NCOA7: variants seen among roughly 807,000 people sequenced by gnomAD.
NCOA7 encodes the protein nuclear receptor coactivator 7.
NCOA7 carries 45 observed loss-of-function variants against 104.3 expected under a neutral mutation model. The ratio of observed to expected loss-of-function variants is 0.43; its 90% CI spans 0.34 to 0.55. The LOEUF (loss-of-function observed/expected upper bound fraction) is 0.55. NCOA7 is among the 20% of genes least tolerant of loss of function. The pLI is 0.02. For synonymous variants in NCOA7, 398 were observed against 402.3 expected (o/e 0.99, Z 0.13); for missense variants, 1,041 against 1,119.7 (o/e 0.93, Z 1.00).
intron 2 of NCOA7, among the ~76,000 whole-genome samples, chr6:125,827,372 G>A (rs999247434): frequency 2.0e-5 from 3 of 151,954 alleles, no homozygotes; most frequent in Admixed American, 6.6e-5. Flanking sequence ...TCTTAATTCT[G>A]TCACAATGGC....
intron 10 of NCOA7, among the ~76,000 whole-genome samples, chr6:125,904,133 T>G (rs1785755966): frequency 6.6e-6 from 1 of 152,206 alleles, no homozygotes; most frequent in South Asian, 2.1e-4. Flanking sequence ...CTTGGGACTT[T>G]CTGTGACCTA....
intron 10 of NCOA7, among the ~76,000 whole-genome samples, chr6:125,906,114 G>A (rs919892914): frequency 1.3e-5 from 2 of 152,118 alleles, no homozygotes; most frequent in Non-Finnish European, 2.9e-5. Context: ...GAAGGAGATA[G>A]GGGAATGGAA....
At chr6:125,806,408 A>G (rs1213756469) in intron 1 of NCOA7, among the ~76,000 whole-genome samples, 1 of 152,206 alleles carries the variant, frequency 6.6e-6, no homozygotes, top group Non-Finnish European at 1.5e-5. Context: ...ATTCAGATGA[A>G]TCACAGAGCA....
intron 13 of NCOA7, among the ~76,000 whole-genome samples, chr6:125,927,151 T>G (rs1460657614): frequency 6.6e-6 from 1 of 152,238 alleles, no homozygotes; most frequent in Non-Finnish European, 1.5e-5. Flanking sequence ...AATTTTAATT[T>G]AATAAGCATA....
rs56389001 is a variant in NCOA7 at position 125,862,037 on chromosome 6, CAAAAAAAAAAAAAAA to C, written c.271+6810_271+6824del. Among the ~76,000 whole-genome samples the C allele has an allele frequency of 4.7e-5, 3 of 63,778 alleles. 1 individual carries two copies. 41.8% of individuals were successfully genotyped at this position (63,778 alleles called of 152,430 possible). On this transcript the variant is annotated intron_variant, in intron 3 of 15. Coordinates refer to ENST00000392477, the MANE Select transcript of NCOA7 (RefSeq NM_181782.5). ...GGGCAACAAGAGTGAAACTCTTTCT[CAAAAAAAAAAAAAAA>C]AAAAAAAAAAAAGAAAGTGATAAGA...
At chr6:125,911,481 G>A (rs113524554) in intron 10 of NCOA7, among the ~76,000 whole-genome samples, 7 of 152,298 alleles carry the variant, frequency 4.6e-5, no homozygotes, top group Admixed American at 1.3e-4. Flanking sequence ...ATTGCCAGTC[G>A]GTGATCCAGC....
chr6:125,873,799 A>G (rs1399057845), intron 3 of NCOA7, among the ~76,000 whole-genome samples: 4 of 152,226 alleles, frequency 2.6e-5, no homozygotes, highest in Non-Finnish European at 5.9e-5. Flanking sequence ...TTACCAGGCT[A>G]ATAGGTATAA....
chr6:125,877,242 C>T (rs1299181642), intron 4 of NCOA7, among the ~76,000 whole-genome samples: 1 of 152,104 alleles, frequency 6.6e-6, no homozygotes, highest in Non-Finnish European at 1.5e-5. Context: ...GTAGTTGGAC[C>T]TCTGATACTG....
At chr6:125,785,989 C>T (rs542233282), upstream of NCOA7, 10 of 152,286 alleles carry the variant, frequency 6.6e-5, no homozygotes, top group South Asian at 1.9e-3. Context: ...AAACACTGAA[C>T]ATAGGTCTAT....
chr6:125,800,721 C>T (rs1775806441), intron 1 of NCOA7, among the ~76,000 whole-genome samples: 1 of 152,130 alleles, frequency 6.6e-6, no homozygotes, highest in African/African-American at 2.4e-5. Context: ...GCATAAGGAA[C>T]AATAATTATA....
chr6:125,817,959 G>A (rs1777745112), intron 2 of NCOA7, among the ~76,000 whole-genome samples: 1 of 151,866 alleles, frequency 6.6e-6, no homozygotes, highest in African/African-American at 2.4e-5. Context: ...TGGTGGTCAT[G>A]CTTCTCCTCC....
At chr6:125,789,379 G>T (rs757533319), upstream of NCOA7, among the ~76,000 whole-genome samples, 2 of 152,148 alleles carry the variant, frequency 1.3e-5, no homozygotes, top group Admixed American at 6.5e-5. Flanking sequence ...ATTTGTCCTT[G>T]CCAGGGAACA....
In NCOA7 at chr6:125,854,956, T is replaced by A. The variant is rs535990944; in HGVS notation, c.51-64T>A. On this transcript the variant is annotated intron_variant, in intron 2 of 15. Transcript: ENST00000392477. ...TTTTCAAAGTCCAGCAGCGTGAAATTAATATGATTTCTACCAGCAAATCAT... is the reference window on the plus strand; with the variant it reads ...TTTTCAAAGTCCAGCAGCGTGAAATAAATATGATTTCTACCAGCAAATCAT... 6 of 1,130,940 alleles carry A rather than the reference T, an allele frequency of 5.3e-6. No homozygotes were observed. In the East Asian group the frequency reaches 1.4e-4, roughly 27 times the overall value. 70.1% of individuals were successfully genotyped at this position (1,130,940 alleles called of 1,614,324 possible). A position where few individuals can be genotyped will look rare whatever the true frequency, so the allele number is the denominator to read the frequency against.
intron 3 of NCOA7, among the ~76,000 whole-genome samples, chr6:125,866,612 G>A (rs1472811225): frequency 1.3e-5 from 2 of 152,130 alleles, no homozygotes; most frequent in African/African-American, 4.8e-5. Context: ...CTTCCCCAAG[G>A]TTACCTAGTG....
Position 125,928,916 on chromosome 6 carries a change from A to G in NCOA7, c.*145A>G, listed in dbSNP as rs1788285319. On this transcript the variant is annotated 3_prime_UTR_variant, in exon 16 of 16. Coordinates refer to ENST00000392477, the MANE Select transcript of NCOA7 (RefSeq NM_181782.5). The stretch of plus-strand genomic sequence containing the variant: ...TGCCATCATCTCAGAGCATGATCAC[A>G]TTGCAGAAAGATTCTGGAAGGTCCA... 1.2e-6 allele frequency: 1 copy of G among 856,748 alleles called. No homozygotes were observed. Among genetic ancestry groups the G allele is most frequent in the Non-Finnish European group, 1.7e-6 (1 of 578,054 alleles). 53.1% of individuals were successfully genotyped at this position (856,748 alleles called of 1,614,324 possible). A position where few individuals can be genotyped will look rare whatever the true frequency, so the allele number is the denominator to read the frequency against.
rs75077382 is a variant in NCOA7, at chr6:125,838,038, G to T, written c.51-16982G>T. 3.9e-3 allele frequency among the ~76,000 whole-genome samples: 588 copies of T among 152,266 alleles called. 3 individuals carry two copies. Among genetic ancestry groups the T allele is most frequent in the African/African-American group, 0.014 (562 of 41,558 alleles). The stretch of plus-strand genomic sequence containing the variant: ...CTTCCTAGTCCTTAACTCTCTAGGG[G>T]CTAAGGAAAAACTTCCCCTTCACCC... On this transcript the variant is annotated intron_variant, in intron 2 of 15. Coordinates refer to ENST00000392477, the MANE Select transcript of NCOA7 (RefSeq NM_181782.5).
chr6:125,928,531 T>G, intron 15 of NCOA7, 105 bp from the exon 16 acceptor site: 1 of 1,273,162 alleles, frequency 7.9e-7, no homozygotes, highest in Non-Finnish European at 1.1e-6. Flanking sequence ...GTTTAGAATT[T>G]TGCCTGTCAG....
intron 10 of NCOA7, among the ~76,000 whole-genome samples, chr6:125,899,150 C>T (rs1481753314): frequency 2.0e-5 from 3 of 151,830 alleles, no homozygotes; most frequent in Non-Finnish European, 2.9e-5. Flanking sequence ...AAATTGATTC[C>T]CTATTAAACT....
chr6:125,902,246 C>T (rs998352910), intron 10 of NCOA7, among the ~76,000 whole-genome samples: 7 of 152,106 alleles, frequency 4.6e-5, no homozygotes, highest in African/African-American at 1.7e-4. Context: ...GATTTTAGAT[C>T]CTCATGTAGA....
Sources: gnomAD v4.1 joint callset for allele counts (sites outside exome capture counted in the v4.1 genomes callset) on GRCh38, gnomAD v4.1.1 for gene constraint, MANE v1.5 for transcripts, NCBI Gene and HGNC (gene_info 2026-07-23, HGNC 2026-07-21) for gene names.